Variants in TENT5D observed in about 807,000 individuals in gnomAD.
TENT5D encodes the protein cancer/testis antigen 112.
For missense variants in TENT5D, 191 were observed against 287.0 expected (o/e 0.67, Z 2.42); for synonymous variants, 103 against 100.6 (o/e 1.02, Z -0.15).
chrX:80,417,793 A>G (rs1283640261), upstream of TENT5D, among the ~76,000 whole-genome samples: 1 of 110,745 alleles, frequency 9.0e-6, no homozygotes, highest in African/African-American at 3.3e-5. Context: ...GTCTTGGGTA[A>G]GGTCATCATG....
chrX:80,335,835 T>A, intron 2 of TENT5D: 1 of 111,589 alleles, frequency 9.0e-6, no homozygotes, highest in Non-Finnish European at 1.9e-5. Flanking sequence ...AAAAGCTTCG[T>A]GATCCTTAAA....
chrX:80,397,094 G>A (rs1217849864), intron 3 of TENT5D, among the ~76,000 whole-genome samples: 1 of 102,542 alleles, frequency 9.8e-6, no homozygotes, highest in African/African-American at 3.6e-5. Flanking sequence ...CTTCCCAGAC[G>A]GGGTGGTTGC....
rs1008391005 is a variant in TENT5D, at chrX:80,442,996, A to G, written c.457A>G (p.Thr153Ala). ...GAGTCTTATCTCCCTTTCAAATAAC[A>G]CTGGGAAGAATTTAGAACTAAAATT... The change falls in exon 3 of 3, where the codon ACT (threonine) becomes GCT (alanine). Residue 153 changes from threonine (T) to alanine (A), a missense_variant. Transcript: ENST00000308293. 8.3e-7 allele frequency: 1 copy of G among 1,211,351 alleles called. No homozygotes were observed. Among genetic ancestry groups the G allele is most frequent in the Admixed American group, 2.2e-5 (1 of 45,933 alleles).
At chrX:80,396,902 G>T (rs1310908878) in intron 3 of TENT5D, among the ~76,000 whole-genome samples, 8 of 88,315 alleles carry the variant, frequency 9.1e-5, no homozygotes, top group East Asian at 3.9e-4. Flanking sequence ...CGGGCGGGGG[G>T]CTGACCCCCC....
At chrX:80,383,885 A>G (rs781139193) in intron 3 of TENT5D, among the ~76,000 whole-genome samples, 4 of 111,597 alleles carry the variant, frequency 3.6e-5, no homozygotes, top group Non-Finnish European at 5.6e-5. Flanking sequence ...ATCTCTGAAA[A>G]GACCAATAAC....
rs750225392 is a variant in TENT5D at position 80,385,206 on chromosome X, A to T, written c.-142+42642A>T. Reference sequence around the variant, plus strand: ...GCTACAGTAACCAAAACAGTATGGTACTGGTATCAAAACAGAGATATAGAC... The same window carrying T: ...GCTACAGTAACCAAAACAGTATGGTTCTGGTATCAAAACAGAGATATAGAC... On this transcript the variant is annotated intron_variant, in intron 3 of 4. Transcript: ENST00000538312. 7.2e-5 allele frequency among the ~76,000 whole-genome samples: 8 copies of T among 111,856 alleles called. No individual in the cohort carries two copies. In the South Asian group the frequency reaches 3.0e-3, roughly 42 times the overall value.
In TENT5D at chrX:80,378,396, C is replaced by T. The variant is rs1306113689; in HGVS notation, c.-142+35832C>T. ...TCTAAGATTGAAGTCTTTAATCCAT[C>T]TTAAATTAATTTTTGTATAAGGGGT... On this transcript the variant is annotated intron_variant, in intron 3 of 4. Coordinates refer to the TENT5D transcript ENST00000538312. Among the ~76,000 whole-genome samples the T allele has an allele frequency of 3.2e-4, 36 of 111,820 alleles. 1 individual carries two copies.
At chrX:80,437,351 T>C (rs1932201891) in intron 1 of TENT5D, among the ~76,000 whole-genome samples, 1 of 111,972 alleles carries the variant, frequency 8.9e-6, no homozygotes, top group African/African-American at 3.2e-5. Context: ...CCTTTCAGTA[T>C]TGAATGAGTA....
intron 3 of TENT5D, among the ~76,000 whole-genome samples, chrX:80,392,678 G>A (rs1444577326): frequency 6.8e-5 from 7 of 102,851 alleles, no homozygotes; most frequent in Admixed American, 5.2e-4. Flanking sequence ...CACCGCGCCC[G>A]GCTAATTTTT....
intron 3 of TENT5D, among the ~76,000 whole-genome samples, chrX:80,354,201 T>C (rs1199777952): frequency 9.0e-6 from 1 of 111,613 alleles, no homozygotes; most frequent in Non-Finnish European, 1.9e-5. Context: ...AGTCGTCTTG[T>C]ATGGTATCTC....
chrX:80,441,013 C>A (rs999121368), intron 2 of TENT5D, among the ~76,000 whole-genome samples: 14 of 110,871 alleles, frequency 1.3e-4, no homozygotes, highest in African/African-American at 4.6e-4. Context: ...TTCCAGTGTC[C>A]TAAAGATGCT....
intron 3 of TENT5D, among the ~76,000 whole-genome samples, chrX:80,405,562 G>A (rs906545890): frequency 8.9e-6 from 1 of 112,239 alleles, no homozygotes; most frequent in Non-Finnish European, 1.9e-5. Context: ...AAAAAACGGC[G>A]CACCACGAGA....
At chrX:80,424,420 G>T (rs982762515) in intron 1 of TENT5D, among the ~76,000 whole-genome samples, 2 of 111,992 alleles carry the variant, frequency 1.8e-5, no homozygotes, top group African/African-American at 6.5e-5. Flanking sequence ...AAACTTGTGG[G>T]TTATGCGAAC....
At chrX:80,360,063 C>T (rs930779539) in intron 3 of TENT5D, among the ~76,000 whole-genome samples, 4 of 111,825 alleles carry the variant, frequency 3.6e-5, no homozygotes, top group African/African-American at 6.5e-5. Flanking sequence ...GAGTTTTATA[C>T]GTTTCTGAAT....
chrX:80,437,856 A>G (rs1456926584), intron 1 of TENT5D, among the ~76,000 whole-genome samples: 1 of 111,409 alleles, frequency 9.0e-6, no homozygotes, highest in Admixed American at 9.6e-5. Flanking sequence ...ATATATGGAT[A>G]TATAACTTGA....
rs1930849260 is a variant in TENT5D at position 80,380,850 on chromosome X, G to A, written c.-142+38286G>A. Among the ~76,000 whole-genome samples the A allele has an allele frequency of 2.7e-5, 3 of 111,349 alleles. No individual in the cohort carries two copies. The South Asian group carries it at 1.1e-3, about 42-fold the overall frequency. On this transcript the variant is annotated intron_variant, in intron 3 of 4. Transcript: ENST00000538312. ...ATCCCTTTATTTTGAGTCTATGTGT[G>A]TCTTTGCATGTGAAATGGGTCTCCT...
At chrX:80,421,838 C>A (rs1014943828) in intron 1 of TENT5D, among the ~76,000 whole-genome samples, 1 of 110,733 alleles carries the variant, frequency 9.0e-6, no homozygotes, top group African/African-American at 3.3e-5. Flanking sequence ...GAAAAAAATG[C>A]CACGTCTTTC....
chrX:80,366,792 T>A (rs1222285273), intron 3 of TENT5D, among the ~76,000 whole-genome samples: 3 of 111,481 alleles, frequency 2.7e-5, no homozygotes, highest in Non-Finnish European at 5.7e-5. Context: ...ATTACAGATA[T>A]TCAGATTAAA....
intron 2 of TENT5D, among the ~76,000 whole-genome samples, chrX:80,338,654 A>G (rs1166675108): frequency 3.6e-5 from 4 of 112,611 alleles, no homozygotes; most frequent in Non-Finnish European, 7.5e-5. Context: ...GTTTTGTGTT[A>G]ACACATTTTT....
Sources: gnomAD v4.1 joint callset for allele counts (sites outside exome capture counted in the v4.1 genomes callset) on GRCh38, gnomAD v4.1.1 for gene constraint, MANE v1.5 for transcripts, NCBI Gene and HGNC (gene_info 2026-07-23, HGNC 2026-07-21) for gene names.